Variants in SNTB1 observed in about 807,000 individuals in gnomAD.
The protein encoded by SNTB1 is beta-1-syntrophin.
In SNTB1, 36 loss-of-function variants were observed where a neutral mutation model predicts 48.9. That is an observed-to-expected ratio of 0.74 (90% CI 0.56 to 0.97). The LOEUF (loss-of-function observed/expected upper bound fraction) is 0.97, where lower values mean the gene tolerates loss of function less well. SNTB1 is among the 50% of genes least tolerant of loss of function. The pLI, the probability that SNTB1 is intolerant of heterozygous loss-of-function variation, is 0.00. For missense variants in SNTB1, 786 were observed against 703.4 expected, an observed-to-expected ratio of 1.12 and a Z score of -1.33; for synonymous variants, 299 against 294.6, an observed-to-expected ratio of 1.01 and a Z score of -0.15.
In SNTB1 at chr8:120,699,448, G is replaced by A. The variant is rs140194657; in HGVS notation, c.572-5540C>T. On this transcript the variant is annotated intron_variant, in intron 1 of 6. Transcript: ENST00000517992. ...ACTTGAGATCTGGTTGTTTAAAAGA[G>A]TCTGGGACCTCCCCCTTCTCTCTCC... 2.0e-3 allele frequency among the ~76,000 whole-genome samples: 298 copies of A among 152,242 alleles called. 2 individuals carry two copies. The highest frequency in any genetic ancestry group is 4.5e-3 in the Admixed American group (69 of 15,286).
At chr8:120,614,267 C>T (rs1017323508) in intron 3 of SNTB1, among the ~76,000 whole-genome samples, 1 of 152,200 alleles carries the variant, frequency 6.6e-6, no homozygotes, top group Non-Finnish European at 1.5e-5. Flanking sequence ...CAAAGTAAAA[C>T]AGCTATCCTT....
At chr8:120,548,213 G>A (rs372343860) in intron 5 of SNTB1, among the ~76,000 whole-genome samples, 191 of 152,156 alleles carry the variant, frequency 1.3e-3, no homozygotes, top group African/African-American at 4.5e-3. Flanking sequence ...AGCTTCCTGA[G>A]GTCCTCACCA....
intron 1 of SNTB1, among the ~76,000 whole-genome samples, chr8:120,777,572 G>A (rs571533912): frequency 6.6e-6 from 1 of 152,326 alleles, no homozygotes; most frequent in South Asian, 2.1e-4. Context: ...CTTAGAAAGA[G>A]GAAAACATAA....
intron 3 of SNTB1, among the ~76,000 whole-genome samples, chr8:120,590,435 C>G (rs1816220524): frequency 6.6e-6 from 1 of 150,736 alleles, no homozygotes; most frequent in Admixed American, 6.6e-5. Flanking sequence ...TTGTGACAAT[C>G]AAATGAGTAA....
chr8:120,734,583 T>C (rs192332826), intron 1 of SNTB1, among the ~76,000 whole-genome samples: 9 of 152,332 alleles, frequency 5.9e-5, no homozygotes, highest in Admixed American at 5.9e-4. Context: ...ATTATCACCA[T>C]TTTATAGATG....
At chr8:120,749,900 T>C (rs1044930430) in intron 1 of SNTB1, among the ~76,000 whole-genome samples, 3 of 152,194 alleles carry the variant, frequency 2.0e-5, no homozygotes, top group Non-Finnish European at 2.9e-5. Context: ...TCCAAGTCTT[T>C]GACTCAAAGC....
chr8:120,639,103 A>G (rs1039233116), intron 2 of SNTB1, among the ~76,000 whole-genome samples: 5 of 152,196 alleles, frequency 3.3e-5, no homozygotes, highest in African/African-American at 9.7e-5. Context: ...GTGAGATGGT[A>G]TCTCTTTGTG....
intron 2 of SNTB1, among the ~76,000 whole-genome samples, chr8:120,675,542 T>C (rs1817820371): frequency 6.6e-6 from 1 of 152,230 alleles, no homozygotes; most frequent in Admixed American, 6.5e-5. Context: ...TCTGTCATTT[T>C]GTACTTGCAC....
At chr8:120,554,702 G>A (rs1186565274) in intron 4 of SNTB1, among the ~76,000 whole-genome samples, 1 of 152,146 alleles carries the variant, frequency 6.6e-6, no homozygotes. Flanking sequence ...AACACCTAAT[G>A]CCCGCAGGCT....
At chr8:120,763,595 T>G (rs1292349181) in intron 1 of SNTB1, among the ~76,000 whole-genome samples, 1 of 152,094 alleles carries the variant, frequency 6.6e-6, no homozygotes, top group East Asian at 1.9e-4. Context: ...GTTAAAAAAT[T>G]TTTTCTGCAT....
At chr8:120,626,518 ATC>A (rs1339942828) in intron 3 of SNTB1, among the ~76,000 whole-genome samples, 1 of 152,222 alleles carries the variant, frequency 6.6e-6, no homozygotes, top group Non-Finnish European at 1.5e-5. Flanking sequence ...TTATTTAGTA[ATC>A]TCTAATTTAA....
chr8:120,751,504 T>C (rs59793689), intron 1 of SNTB1, among the ~76,000 whole-genome samples: 19,741 of 152,094 alleles, frequency 0.13, 1,665 homozygotes, highest in African/African-American at 0.23. Context: ...TCTGTCCCCA[T>C]GATCATTTCT....
intron 1 of SNTB1, among the ~76,000 whole-genome samples, chr8:120,809,618 A>G (rs114639087): frequency 6.6e-6 from 1 of 151,526 alleles, no homozygotes; most frequent in Non-Finnish European, 1.5e-5. Context: ...CCCCACCCCA[A>G]CCCCTCCTCC....
At chr8:120,725,011 G>A (rs1455509677) in intron 1 of SNTB1, among the ~76,000 whole-genome samples, 1 of 152,218 alleles carries the variant, frequency 6.6e-6, no homozygotes, top group African/African-American at 2.4e-5. Flanking sequence ...AGCTGCAGAT[G>A]TGATGAGCAG....
chr8:120,666,508 GC>G (rs1209619142), intron 2 of SNTB1, among the ~76,000 whole-genome samples: 3 of 151,952 alleles, frequency 2.0e-5, no homozygotes, highest in African/African-American at 4.8e-5. Flanking sequence ...TTCTTCGGTG[GC>G]TTTTTAAAAT....
At chr8:120,589,332 G>C (rs990683042) in intron 3 of SNTB1, among the ~76,000 whole-genome samples, 2 of 152,158 alleles carry the variant, frequency 1.3e-5, no homozygotes, top group Admixed American at 1.3e-4. Flanking sequence ...GCTCTGCTCA[G>C]GGATTTCCTC....
chr8:120,758,762 GC>G (rs776823708), intron 1 of SNTB1, among the ~76,000 whole-genome samples: 40 of 152,086 alleles, frequency 2.6e-4, no homozygotes, highest in Non-Finnish European at 3.4e-4. Flanking sequence ...ATATACTGTG[GC>G]CTACACAGGG....
At chr8:120,568,342 CCA>C (rs1435774821) in intron 4 of SNTB1, among the ~76,000 whole-genome samples, 3 of 152,138 alleles carry the variant, frequency 2.0e-5, no homozygotes, top group Non-Finnish European at 2.9e-5. Context: ...TGGCATCATC[CCA>C]CAGAGAAGGC....
intron 2 of SNTB1, among the ~76,000 whole-genome samples, chr8:120,690,389 A>G (rs1331967301): frequency 6.6e-6 from 1 of 152,154 alleles, no homozygotes; most frequent in Non-Finnish European, 1.5e-5. Context: ...ATGTTGAAAT[A>G]TCTAATATGA....
Sources: gnomAD v4.1 joint callset for allele counts (sites outside exome capture counted in the v4.1 genomes callset) on GRCh38, gnomAD v4.1.1 for gene constraint, MANE v1.5 for transcripts, NCBI Gene and HGNC (gene_info 2026-07-23, HGNC 2026-07-21) for gene names.